The following NELL1 variants were observed in gnomAD, a reference collection of about 807,000 sequenced individuals.
NELL1 encodes protein kinase C-binding protein NELL1.
A neutral mutation model predicts 107.4 loss-of-function variants in NELL1; 76 were observed. The ratio of observed to expected loss-of-function variants is 0.71; its 90% confidence interval spans 0.59 to 0.86. NELL1 has a LOEUF of 0.86. Ranked by LOEUF, NELL1 falls within the 40% of genes least tolerant of loss-of-function variation. The pLI, the probability that NELL1 is intolerant of heterozygous loss-of-function variation, is 0.00. For missense variants in NELL1, 1,024 were observed against 1,005.5 expected (o/e 1.02, Z -0.25); for synonymous variants, 353 against 341.2 (o/e 1.03, Z -0.38).
intron 14 of NELL1, among the ~76,000 whole-genome samples, chr11:21,322,423 T>C (rs1850032795): frequency 6.6e-6 from 1 of 152,198 alleles, no homozygotes; most frequent in Non-Finnish European, 1.5e-5. Context: ...ATTTGTCCTC[T>C]TCAAGATGTG....
chr11:20,836,305 C>G (rs1848534141), intron 3 of NELL1, among the ~76,000 whole-genome samples: 1 of 150,390 alleles, frequency 6.6e-6, no homozygotes. Flanking sequence ...ATACCAATTG[C>G]TGGTGGGAAT....
chr11:20,988,745 C>G (rs1360255280), intron 12 of NELL1, among the ~76,000 whole-genome samples: 1 of 151,782 alleles, frequency 6.6e-6, no homozygotes, highest in African/African-American at 2.4e-5. Flanking sequence ...CGCCCGCCAC[C>G]ACACCTATTT....
chr11:21,403,220 T>C (rs1852140618), intron 15 of NELL1, among the ~76,000 whole-genome samples: 1 of 151,682 alleles, frequency 6.6e-6, no homozygotes, highest in Non-Finnish European at 1.5e-5. Flanking sequence ...AAGGGGGTTC[T>C]TTTCTGGAGT....
chr11:21,210,056 G>A (rs1857467681), intron 13 of NELL1, among the ~76,000 whole-genome samples: 1 of 152,120 alleles, frequency 6.6e-6, no homozygotes, highest in Non-Finnish European at 1.5e-5. Context: ...ACCTGTTGAA[G>A]CATCTGTCAG....
intron 4 of NELL1, among the ~76,000 whole-genome samples, chr11:20,868,206 T>C (rs1849130172): frequency 6.6e-6 from 1 of 152,174 alleles, no homozygotes; most frequent in Non-Finnish European, 1.5e-5. Flanking sequence ...GGAGGCATGT[T>C]AGAGGTGGGA....
intron 14 of NELL1, among the ~76,000 whole-genome samples, chr11:21,249,025 G>A (rs1858569624): frequency 6.6e-6 from 1 of 152,032 alleles, no homozygotes; most frequent in African/African-American, 2.4e-5. Flanking sequence ...GTTGCTGGGG[G>A]GCCTCTATAC....
rs375991708 is a variant in NELL1 at position 20,802,504 on chromosome 11, A to G, written c.335+18674A>G. On this transcript the variant is annotated intron_variant, in intron 3 of 19. Transcript: ENST00000357134. The stretch of plus-strand genomic sequence containing the variant: ...GTTTTTCCAAATATAAGATTATATC[A>G]TCTGTAAACAAGGATAATTTGACTT... 1.6e-4 allele frequency among the ~76,000 whole-genome samples: 24 copies of G among 151,832 alleles called. No homozygotes were observed. The South Asian group carries it at 2.3e-3, about 14-fold the overall frequency.
At chr11:20,971,135 G>T (rs1851492107) in intron 12 of NELL1, among the ~76,000 whole-genome samples, 1 of 151,948 alleles carries the variant, frequency 6.6e-6, no homozygotes, top group African/African-American at 2.4e-5. Context: ...ATCTTGCTCT[G>T]CTTGTGGCTG....
At chr11:21,108,750 A>G (rs900664195) in intron 12 of NELL1, among the ~76,000 whole-genome samples, 10 of 152,114 alleles carry the variant, frequency 6.6e-5, no homozygotes. Flanking sequence ...ACTGGAGCCT[A>G]AAGTGTGAAA....
intron 15 of NELL1, among the ~76,000 whole-genome samples, chr11:21,508,806 AT>A (rs199806348): frequency 0.042 from 6,406 of 152,106 alleles, 470 homozygotes; most frequent in African/African-American, 0.15. Context: ...AGAAAAAAAA[AT>A]GTTAGATATA....
intron 15 of NELL1, among the ~76,000 whole-genome samples, chr11:21,490,361 G>T (rs1054204932): frequency 2.0e-5 from 3 of 150,050 alleles, no homozygotes; most frequent in Admixed American, 1.3e-4. Flanking sequence ...TGGCCATACT[G>T]TCCAAAGAAA....
At chr11:21,378,187 C>T (rs767512559) in intron 15 of NELL1, among the ~76,000 whole-genome samples, 1 of 150,986 alleles carries the variant, frequency 6.6e-6, no homozygotes, top group Non-Finnish European at 1.5e-5. Context: ...CCCTGGGAGA[C>T]AAAATTTCAT....
intron 13 of NELL1, among the ~76,000 whole-genome samples, chr11:21,222,894 G>T (rs966526018): frequency 1.3e-5 from 2 of 151,816 alleles, no homozygotes; most frequent in Non-Finnish European, 2.9e-5. Context: ...TTGTTCCATT[G>T]TGGTCTGTGA....
intron 3 of NELL1, among the ~76,000 whole-genome samples, chr11:20,819,735 AG>A (rs1857708356): frequency 6.6e-6 from 1 of 152,242 alleles, no homozygotes; most frequent in Admixed American, 6.5e-5. Context: ...GTTGAAATTC[AG>A]GCACCTTAAA....
chr11:21,549,986 G>A (rs1162648708), intron 16 of NELL1, among the ~76,000 whole-genome samples: 1 of 151,666 alleles, frequency 6.6e-6, no homozygotes, highest in Non-Finnish European at 1.5e-5. Context: ...AAGCTGAAAG[G>A]GTAGGTTTTT....
Position 21,242,564 on chromosome 11 carries a change from A to G in NELL1, c.1549+13110A>G, listed in dbSNP as rs952806480. 1.6e-4 allele frequency among the ~76,000 whole-genome samples: 24 copies of G among 152,146 alleles called. 1 individual carries two copies. The highest frequency in any genetic ancestry group is 1.5e-5 in the Non-Finnish European group (1 of 68,010). On this transcript the variant is annotated intron_variant, in intron 14 of 19. Transcript: ENST00000357134. ...AATAAAATGCTACATGAATAAAATT[A>G]GCTGCATTATTGTTTGTAGAAAATA...
rs1005818716 is a variant in NELL1, at chr11:21,006,850, G to A, written c.1300+46290G>A. Among the ~76,000 whole-genome samples the A allele has an allele frequency of 2.5e-4, 38 of 152,074 alleles. 2 individuals carry two copies. Among genetic ancestry groups the A allele is most frequent in the Non-Finnish European group, 1.5e-5 (1 of 68,000 alleles). ...CCCCACAGGGAAGCGGGCAGGCTGG[G>A]CCAAAGGAAATTCTTTGGTCTTAGA... On this transcript the variant is annotated intron_variant, in intron 12 of 19. Transcript: ENST00000357134.
chr11:21,448,529 A>C (rs1395477900), intron 15 of NELL1, among the ~76,000 whole-genome samples: 1 of 152,228 alleles, frequency 6.6e-6, no homozygotes, highest in African/African-American at 2.4e-5. Context: ...GTAAACACAC[A>C]TGTGGTGTAC....
chr11:20,989,513 T>A (rs1341766272), intron 12 of NELL1, among the ~76,000 whole-genome samples: 1 of 152,224 alleles, frequency 6.6e-6, no homozygotes, highest in Non-Finnish European at 1.5e-5. Flanking sequence ...GATTTTCTTT[T>A]CAGGTCTTGA....
Sources: gnomAD v4.1 joint callset for allele counts (sites outside exome capture counted in the v4.1 genomes callset) on GRCh38, gnomAD v4.1.1 for gene constraint, MANE v1.5 for transcripts, NCBI Gene and HGNC (gene_info 2026-07-23, HGNC 2026-07-21) for gene names.